Variants in ZFHX3 observed in about 807,000 individuals in gnomAD.
The protein encoded by ZFHX3 is zinc finger homeobox protein 3.
In ZFHX3, 42 loss-of-function variants were observed where a neutral mutation model predicts 279.1. That is an observed-to-expected ratio of 0.15 (90% confidence interval 0.12 to 0.19). ZFHX3 has a LOEUF of 0.19. Ranked by LOEUF, ZFHX3 falls within the 10% of genes least tolerant of loss-of-function variation. The pLI is 1.00. For missense variants in ZFHX3, 4,981 were observed against 4,754.0 expected (o/e 1.05, Z -1.40); for synonymous variants, 2,293 against 1,957.8 (o/e 1.17, Z -4.52).
chr16:73,660,580 G>C (rs970440060), intron 2 of ZFHX3, among the ~76,000 whole-genome samples: 58 of 152,040 alleles, frequency 3.8e-4, no homozygotes, highest in African/African-American at 1.3e-3. Context: ...AGGGAAAAAG[G>C]AGAAACTGAA....
At chr16:73,031,893 G>A (rs1345971945) in intron 1 of ZFHX3, among the ~76,000 whole-genome samples, 3 of 152,102 alleles carry the variant, frequency 2.0e-5, no homozygotes, top group Admixed American at 2.0e-4. Context: ...AGATTTCAGA[G>A]GGAAGGCAGC....
At chr16:73,204,672 G>C (rs372582201) in intron 5 of ZFHX3, among the ~76,000 whole-genome samples, 69 of 152,230 alleles carry the variant, frequency 4.5e-4, no homozygotes, top group Middle Eastern at 3.4e-3. Flanking sequence ...TGCTGTCTTG[G>C]GAGCTCTATA....
exon 3 of ZFHX3, chr16:73,456,051 G>C (rs2018365651): frequency 6.6e-6 from 1 of 152,050 alleles, no homozygotes; most frequent in Admixed American, 6.6e-5. Flanking sequence ...GACCATATGT[G>C]GTCTTTAAAA....
At chr16:73,389,774 A>C (rs1033944889) in intron 3 of ZFHX3, among the ~76,000 whole-genome samples, 2 of 152,178 alleles carry the variant, frequency 1.3e-5, no homozygotes, top group South Asian at 4.1e-4. Flanking sequence ...CTTTTTGAAA[A>C]ATCGGCCAGG....
chr16:73,839,971 C>G (rs1961258008), intron 1 of ZFHX3, among the ~76,000 whole-genome samples: 1 of 152,182 alleles, frequency 6.6e-6, no homozygotes, highest in African/African-American at 2.4e-5. Flanking sequence ...TGGACCCATC[C>G]TCTGTGTCCT....
At chr16:73,518,300 T>C (rs527533431) in intron 2 of ZFHX3, among the ~76,000 whole-genome samples, 3 of 152,348 alleles carry the variant, frequency 2.0e-5, no homozygotes, top group African/African-American at 7.2e-5. Context: ...TGTTATTTAT[T>C]TTTTCATGTA....
chr16:73,013,869 G>A (rs183185236), intron 1 of ZFHX3, among the ~76,000 whole-genome samples: 25 of 152,206 alleles, frequency 1.6e-4, no homozygotes, highest in Non-Finnish European at 2.6e-4. Context: ...CCACAGGACC[G>A]TGCAGTAGCT....
chr16:73,560,729 T>G (rs184246651), intron 2 of ZFHX3, among the ~76,000 whole-genome samples: 34 of 152,258 alleles, frequency 2.2e-4, no homozygotes, highest in African/African-American at 8.2e-4. Context: ...AAAGATAAGA[T>G]CTCCATAATC....
chr16:73,067,999 G>A (rs906435034), intron 8 of ZFHX3, among the ~76,000 whole-genome samples: 5 of 152,152 alleles, frequency 3.3e-5, no homozygotes, highest in African/African-American at 4.8e-5. Flanking sequence ...AGCAAGGGAA[G>A]GTGGCTCTTT....
At chr16:73,030,800 G>A (rs951742098) in intron 1 of ZFHX3, among the ~76,000 whole-genome samples, 1 of 152,290 alleles carries the variant, frequency 6.6e-6, no homozygotes, top group East Asian at 1.9e-4. Flanking sequence ...TCCCTTGCAC[G>A]CCCCTCTCAG....
At chr16:73,106,971 G>A (rs761434460) in intron 7 of ZFHX3, among the ~76,000 whole-genome samples, 8 of 152,178 alleles carry the variant, frequency 5.3e-5, no homozygotes, top group Non-Finnish European at 1.0e-4. Flanking sequence ...GTTAGCAGGT[G>A]AGTCACTTGT....
At chr16:73,251,545 C>T (rs141783184) in intron 5 of ZFHX3, among the ~76,000 whole-genome samples, 29 of 152,232 alleles carry the variant, frequency 1.9e-4, no homozygotes, top group African/African-American at 5.1e-4. Context: ...TGGTCTTAGT[C>T]GCTACACCGT....
intron 3 of ZFHX3, among the ~76,000 whole-genome samples, chr16:73,437,182 CG>C (rs755489079): frequency 1.3e-5 from 2 of 151,946 alleles, no homozygotes; most frequent in Non-Finnish European, 2.9e-5. Context: ...AGGCAAAAAC[CG>C]CAATTGCTTT....
rs1259051431 is a variant in ZFHX3, at chr16:72,980,791, T to C, written c.-49-20597A>G. ...TTTTGTTAGGGAATAATATTATGTT[T>C]ACATAAGAAAATGATGAAGCAGCAT... On this transcript the variant is annotated intron_variant, in intron 1 of 9. Transcript: ENST00000268489. Among the ~76,000 whole-genome samples, 3 of 152,056 alleles carry C rather than the reference T, an allele frequency of 2.0e-5. No individual in the cohort carries two copies. The East Asian group carries it at 5.8e-4, about 29-fold the overall frequency.
chr16:72,907,124 A>C (rs2039196387), intron 3 of ZFHX3, among the ~76,000 whole-genome samples: 1 of 152,166 alleles, frequency 6.6e-6, no homozygotes, highest in South Asian at 2.1e-4. Context: ...TGCTAGCCTT[A>C]ATCTAGTCAG....
rs1327899499 is a variant in ZFHX3 at position 73,799,607 on chromosome 16, A to G, written c.-1608+92044T>C. Among the ~76,000 whole-genome samples the G allele has an allele frequency of 2.0e-5, 3 of 152,274 alleles. No homozygotes were observed. The East Asian group carries it at 5.8e-4, about 29-fold the overall frequency. On this transcript the variant is annotated intron_variant, in intron 1 of 17. Coordinates refer to the ZFHX3 transcript ENST00000641206. ...ACTCCACACTGAGGTTCCCATGGGA[A>G]GAAAAAAGCCTTCCCCTGCTTCCTC...
chr16:73,074,549 G>C (rs191001585), intron 8 of ZFHX3, among the ~76,000 whole-genome samples: 27 of 152,304 alleles, frequency 1.8e-4, no homozygotes, highest in African/African-American at 4.6e-4. Context: ...ACTCAGTGCT[G>C]TACCCATGGG....
At chr16:73,330,116 G>A (rs2015771721) in intron 3 of ZFHX3, among the ~76,000 whole-genome samples, 1 of 147,354 alleles carries the variant, frequency 6.8e-6, no homozygotes, top group Admixed American at 7.6e-5. Flanking sequence ...GTCAGTATGA[G>A]CAGGCGCTCC....
At chr16:72,809,171 T>C (rs933344510) in intron 7 of ZFHX3, among the ~76,000 whole-genome samples, 1 of 152,256 alleles carries the variant, frequency 6.6e-6, no homozygotes, top group Admixed American at 6.5e-5. Flanking sequence ...CTCTAGTCCC[T>C]AGGGATATAT....
Sources: gnomAD v4.1 joint callset for allele counts (sites outside exome capture counted in the v4.1 genomes callset) on GRCh38, gnomAD v4.1.1 for gene constraint, MANE v1.5 for transcripts, NCBI Gene and HGNC (gene_info 2026-07-23, HGNC 2026-07-21) for gene names.